Variants in PTPRS observed in about 807,000 individuals in gnomAD.
The protein encoded by PTPRS is protein tyrosine phosphatase receptor type S, also known as receptor-type tyrosine-protein phosphatase S.
In PTPRS, 63 loss-of-function variants were observed where a neutral mutation model predicts 215.3. The ratio of observed to expected loss-of-function variants is 0.29; its 90% confidence interval spans 0.24 to 0.36. PTPRS has a LOEUF of 0.36. Among genes scored for constraint, PTPRS ranks in the 10% least tolerant of loss-of-function variants. PTPRS has a pLI of 1.00. For synonymous variants in PTPRS, 1,404 were observed against 1,191.4 expected (o/e 1.18, Z -3.68); for missense variants, 2,258 against 2,825.8 (o/e 0.80, Z 4.56).
At chr19:5,290,139 C>G (rs1226140980) in intron 1 of PTPRS, among the ~76,000 whole-genome samples, 1 of 152,206 alleles carries the variant, frequency 6.6e-6, no homozygotes, top group Non-Finnish European at 1.5e-5. Flanking sequence ...ATGTGGGGCT[C>G]AGGGAGGGTC....
At chr19:5,254,010 A>G (rs2146177289) in intron 9 of PTPRS, among the ~76,000 whole-genome samples, 1 of 152,186 alleles carries the variant, frequency 6.6e-6, no homozygotes, top group East Asian at 1.9e-4. Flanking sequence ...GGCACAGACA[A>G]AACTGGAATC....
intron 2 of PTPRS, among the ~76,000 whole-genome samples, chr19:5,276,550 GT>G (rs1402735026): frequency 4.2e-5 from 6 of 142,592 alleles, no homozygotes; most frequent in Non-Finnish European, 7.6e-5. Context: ...TTTTGTTTTT[GT>G]TTTTTTTGAG....
At position 5,257,941 on chromosome 19, in the gene PTPRS, AGGC is replaced by A; in HGVS notation, c.706+73_706+75del. The A allele has an allele frequency of 7.9e-7, 1 of 1,272,038 alleles. No homozygotes were observed. Among genetic ancestry groups the A allele is most frequent in the East Asian group, 2.4e-5 (1 of 42,044 alleles). 78.8% of individuals were successfully genotyped at this position (1,272,038 alleles called of 1,614,324 possible). On this transcript the variant is annotated intron_variant, in intron 8 of 37. Coordinates refer to ENST00000262963, the MANE Select transcript of PTPRS (RefSeq NM_002850.4). This position sits in a 1 kb window ranked among gnomAD's most constrained non-coding sequence, Gnocchi z 4.4. ...GTGTGCAGGGGACGGGGGAGCCCGG[AGGC>A]GGTGAGCCCGAGGAGGGAGGGGGAT... is the stretch of plus-strand genomic sequence containing the variant.
intron 1 of PTPRS, among the ~76,000 whole-genome samples, chr19:5,330,133 C>T (rs1316424097): frequency 6.6e-6 from 1 of 151,638 alleles, no homozygotes; most frequent in African/African-American, 2.4e-5. Context: ...ACAGAGCATC[C>T]ATCTAAATGC....
intron 6 of PTPRS, among the ~76,000 whole-genome samples, chr19:5,261,514 C>G (rs2045988512): frequency 6.6e-6 from 1 of 152,200 alleles, no homozygotes; most frequent in Non-Finnish European, 1.5e-5. Flanking sequence ...GTTACTCCCT[C>G]TGCTCATGAT....
intron 17 of PTPRS, among the ~76,000 whole-genome samples, chr19:5,223,793 C>A (rs1171333566): frequency 6.6e-6 from 1 of 151,172 alleles, no homozygotes; most frequent in African/African-American, 2.4e-5. Flanking sequence ...AACTCCTGAC[C>A]TCAGGTGATC....
intron 4 of PTPRS, among the ~76,000 whole-genome samples, chr19:5,267,711 GC>G (rs1277561767): frequency 2.2e-5 from 3 of 134,392 alleles, no homozygotes; most frequent in Non-Finnish European, 3.2e-5. Flanking sequence ...TAATAACCGT[GC>G]CCCCCCGCCC....
At chr19:5,308,953 G>C (rs2049596135) in intron 1 of PTPRS, among the ~76,000 whole-genome samples, 1 of 152,168 alleles carries the variant, frequency 6.6e-6, no homozygotes. Flanking sequence ...GTGGGGTACG[G>C]GGCAGGGAGG....
chr19:5,274,405 C>A, intron 2 of PTPRS, 61 bp from the exon 3 acceptor site: 2 of 1,522,182 alleles, frequency 1.3e-6, no homozygotes, highest in South Asian at 1.2e-5. Context: ...GCTAGGATAC[C>A]AAGGAGCCAC....
chr19:5,217,441 C>T (rs1023827774), intron 25 of PTPRS, among the ~76,000 whole-genome samples: 1 of 152,072 alleles, frequency 6.6e-6, no homozygotes, highest in Non-Finnish European at 1.5e-5. Flanking sequence ...ACATGAGGCC[C>T]TGCATGATCC....
chr19:5,255,415 C>T (rs987701645), intron 9 of PTPRS, among the ~76,000 whole-genome samples: 2 of 152,044 alleles, frequency 1.3e-5, no homozygotes, highest in African/African-American at 4.8e-5. Context: ...GTTTGGAGAA[C>T]AACCACAGAA....
At chr19:5,262,844 G>A in intron 6 of PTPRS, 120 bp downstream of exon 6, 1 of 1,130,172 alleles carries the variant, frequency 8.8e-7, no homozygotes. Flanking sequence ...AAACATACCA[G>A]GCAGAGTGGG....
At chr19:5,307,482 A>T (rs1032527208) in intron 1 of PTPRS, among the ~76,000 whole-genome samples, 1 of 152,214 alleles carries the variant, frequency 6.6e-6, no homozygotes, top group African/African-American at 2.4e-5. Context: ...ATGTACAATT[A>T]TAAAATTACT....
chr19:5,261,451 G>T (rs1475667559), intron 6 of PTPRS, among the ~76,000 whole-genome samples: 1 of 152,146 alleles, frequency 6.6e-6, no homozygotes, highest in African/African-American at 2.4e-5. Context: ...TCTGGGCCTT[G>T]GAGGCAGGGA....
intron 4 of PTPRS, among the ~76,000 whole-genome samples, chr19:5,270,569 C>T (rs1478418962): frequency 7.9e-5 from 12 of 152,228 alleles, no homozygotes; most frequent in Admixed American, 3.3e-4. Flanking sequence ...CTTGGCCTCC[C>T]GAAGTGTTGG....
chr19:5,330,742 G>A (rs1246094989), intron 1 of PTPRS, among the ~76,000 whole-genome samples: 2 of 152,262 alleles, frequency 1.3e-5, no homozygotes, highest in South Asian at 2.1e-4. Context: ...TCCGAACCTG[G>A]GGCGTTCAGA....
At chr19:5,320,614 T>C (rs957803686) in intron 1 of PTPRS, among the ~76,000 whole-genome samples, 3 of 152,018 alleles carry the variant, frequency 2.0e-5, no homozygotes, top group East Asian at 1.9e-4. Context: ...TTAGTAAAGA[T>C]GGGGTTTCGC....
intron 28 of PTPRS, 62 bp downstream of exon 28, chr19:5,215,227 G>A (rs1269850801): frequency 1.9e-6 from 3 of 1,594,376 alleles, no homozygotes; most frequent in Non-Finnish European, 2.6e-6. Flanking sequence ...GGGGAGACAT[G>A]GGATCTAGCA....
chr19:5,256,249 T>TC (rs935599142), intron 8 of PTPRS, 130 bp from the exon 9 acceptor site: 12 of 696,940 alleles, frequency 1.7e-5, no homozygotes, highest in South Asian at 4.0e-5. Flanking sequence ...TGTTTTTTTT[T>TC]TCTTTAAACC....
Sources: allele counts gnomAD v4.1 joint callset (sites outside exome capture counted in the v4.1 genomes callset), GRCh38; gene constraint gnomAD v4.1.1; non-coding constraint Gnocchi (gnomAD v3.1); transcripts MANE v1.5; gene names NCBI Gene and HGNC (gene_info 2026-07-23, HGNC 2026-07-21).